IL5RA: variants seen among roughly 807,000 people sequenced by gnomAD.
IL5RA encodes interleukin 5 receptor subunit alpha.
A neutral mutation model predicts 50.0 loss-of-function variants in IL5RA; 49 were observed. The observed-to-expected ratio is 0.98, with a 90% CI of 0.78 to 1.24. The LOEUF (loss-of-function observed/expected upper bound fraction) is 1.24. Ranked by LOEUF, IL5RA falls within the 50% of genes most tolerant of loss-of-function variation. The pLI, the probability that IL5RA is intolerant of heterozygous loss-of-function variation, is 0.00. For missense variants in IL5RA, 600 were observed against 500.4 expected, an observed-to-expected ratio of 1.20 and a Z score of -1.90; for synonymous variants, 202 against 174.0, an observed-to-expected ratio of 1.16 and a Z score of -1.26.
intron 9 of IL5RA, among the ~76,000 whole-genome samples, chr3:3,081,149 T>C (rs1419869569): frequency 2.0e-5 from 3 of 152,226 alleles, no homozygotes; most frequent in South Asian, 2.1e-4. Flanking sequence ...AGATCCTCGA[T>C]GGTTCCAGGA....
At chr3:3,088,836 G>C (rs751446807) in intron 9 of IL5RA, among the ~76,000 whole-genome samples, 2 of 152,178 alleles carry the variant, frequency 1.3e-5, no homozygotes, top group Non-Finnish European at 2.9e-5. Context: ...TGAGTTTTGT[G>C]CCCCTGGGGA....
At chr3:3,073,841 A>G (rs941843112) in intron 11 of IL5RA, 2 of 435,056 alleles carry the variant, frequency 4.6e-6, no homozygotes, top group African/African-American at 2.1e-5. Flanking sequence ...AATAACCAAA[A>G]CAAATTTTTA....
intron 5 of IL5RA, among the ~76,000 whole-genome samples, chr3:3,099,960 G>A (rs1703564900): frequency 1.3e-5 from 2 of 152,112 alleles, no homozygotes; most frequent in South Asian, 2.1e-4. Flanking sequence ...GTGAGCGACC[G>A]CACCCGGCCA....
chr3:3,074,570 A>G (rs1480831870), intron 11 of IL5RA, among the ~76,000 whole-genome samples: 1 of 152,160 alleles, frequency 6.6e-6, no homozygotes, highest in Non-Finnish European at 1.5e-5. Flanking sequence ...GGTGTTTGAG[A>G]CCAGCCTGGA....
intron 9 of IL5RA, among the ~76,000 whole-genome samples, chr3:3,088,394 ACT>A (rs1702960229): frequency 1.3e-5 from 2 of 152,204 alleles, no homozygotes; most frequent in African/African-American, 4.8e-5. Context: ...GCTCGTCACC[ACT>A]CTGTCCCTTG....
chr3:3,077,831 A>G (rs781568675), intron 9 of IL5RA, among the ~76,000 whole-genome samples: 17 of 152,226 alleles, frequency 1.1e-4, no homozygotes, highest in Non-Finnish European at 2.2e-4. Flanking sequence ...TAGTGTTTAA[A>G]GAGGTTATGT....
intron 9 of IL5RA, among the ~76,000 whole-genome samples, chr3:3,088,759 C>T (rs1020745278): frequency 9.2e-5 from 14 of 152,052 alleles, no homozygotes; most frequent in African/African-American, 2.9e-4. Context: ...TTAAAATCTC[C>T]AAAATTGAAT....
chr3:3,077,749 C>T (rs1482473506), intron 9 of IL5RA, among the ~76,000 whole-genome samples: 1 of 152,034 alleles, frequency 6.6e-6, no homozygotes, highest in African/African-American at 2.4e-5. Context: ...GTCTGGGGGA[C>T]AGAATGAGAC....
At position 3,098,176 on chromosome 3, in the gene IL5RA, G is replaced by A. The variant is rs1350426816; in HGVS notation, c.482C>T (p.Thr161Ile). 6.2e-7 allele frequency: 1 copy of A among 1,614,176 alleles called. No homozygotes were observed. The change falls in exon 6 of 12, where the codon ACA becomes ATA. Residue 161 changes from threonine to isoleucine, a missense_variant. Thr to Ile is a moderately conservative substitution (Grantham distance 89). Coordinates refer to ENST00000446632, the MANE Select transcript of IL5RA (RefSeq NM_175726.4). ...ATACTGCGTGTCCTCAGGGGCATCTGTGCCAACAAGCCAGGTGCAGTGAAG... is the reference window on the plus strand; with the variant it reads ...ATACTGCGTGTCCTCAGGGGCATCTATGCCAACAAGCCAGGTGCAGTGAAG... Reference protein sequence around the residue: ...VSLHCTWLVGTDAPEDTQYFL... With the variant: ...VSLHCTWLVGIDAPEDTQYFL...
At position 3,092,857 on chromosome 3, in the gene IL5RA, CACCTGT is replaced by C. The variant is rs1477978685; in HGVS notation, c.856-501_856-496del. Among the ~76,000 whole-genome samples the C allele has an allele frequency of 6.6e-6, 1 of 152,184 alleles. No individual in the cohort carries two copies. The highest frequency in any genetic ancestry group is 1.9e-4 in the East Asian group (1 of 5,188). On this transcript the variant is annotated intron_variant, in intron 8 of 11. Coordinates refer to ENST00000446632, the MANE Select transcript of IL5RA (RefSeq NM_175726.4). This position sits in a 1 kb window ranked among gnomAD's most constrained non-coding sequence, Gnocchi z 4.2. ...CCCTGTACCAGAGATGTGCTCCTGA[CACCTGT>C]ATCTTGAATACCCCCGGAGGTGTTT...
At chr3:3,107,216 C>T (rs1249205538) in intron 2 of IL5RA, among the ~76,000 whole-genome samples, 1 of 150,804 alleles carries the variant, frequency 6.6e-6, no homozygotes, top group Non-Finnish European at 1.5e-5. Context: ...GCACAAGGTA[C>T]TCAGTAGGGG....
chr3:3,106,535 G>T (rs1233243494), intron 2 of IL5RA, among the ~76,000 whole-genome samples: 1 of 151,784 alleles, frequency 6.6e-6, no homozygotes, highest in African/African-American at 2.4e-5. Context: ...TTTCTCTGAG[G>T]ATTTCACACC....
rs532370357 is a variant in IL5RA, at chr3:3,108,070, A to G, written c.-4+480T>C. Reference sequence around the variant, plus strand: ...TCAACCTTAGTGGCAGAAATTGTAAAGCAACTGAGAGGATTCATGCTCTGG... The same window carrying G: ...TCAACCTTAGTGGCAGAAATTGTAAGGCAACTGAGAGGATTCATGCTCTGG... On this transcript the variant is annotated intron_variant, in intron 2 of 11. Coordinates refer to ENST00000446632, the MANE Select transcript of IL5RA (RefSeq NM_175726.4). Among the ~76,000 whole-genome samples the G allele has an allele frequency of 9.8e-5, 15 of 152,310 alleles. No homozygotes were observed. In the East Asian group the frequency reaches 2.5e-3, roughly 25 times the overall value.
At chr3:3,108,422 G>A (rs1704032998) in intron 2 of IL5RA, 128 bp downstream of exon 2, 2 of 152,188 alleles carry the variant, frequency 1.3e-5, no homozygotes, top group Non-Finnish European at 2.9e-5. Flanking sequence ...AGTGGAAATG[G>A]TGTTGCCACC....
intron 4 of IL5RA, 136 bp from the exon 5 acceptor site, chr3:3,101,966 G>C: frequency 1.3e-6 from 1 of 786,316 alleles, no homozygotes; most frequent in Non-Finnish European, 2.0e-6. Flanking sequence ...TAGAAAAAAA[G>C]TCAAAACAAA....
chr3:3,108,516 A>G (rs1472316333), intron 2 of IL5RA, 34 bp downstream of exon 2: 1 of 152,216 alleles, frequency 6.6e-6, no homozygotes, highest in Non-Finnish European at 1.5e-5. Flanking sequence ...ACATGGTGCA[A>G]TTTGTCATCT....
At position 3,066,621 on chromosome 3, in the gene IL5RA, T is replaced by A. The variant is rs1702143194; in HGVS notation, c.*3604A>T. ...CTCACTTCCAGATATCTACTTTTTC[T>A]TTAACAAATTAGCACCTCAGGCTTC... On this transcript the variant is annotated 3_prime_UTR_variant, in exon 12 of 12. Transcript: ENST00000446632. The A allele has an allele frequency of 6.6e-6, 1 of 152,238 alleles. No homozygotes were observed. The allele number at this position is 152,238 out of a possible 1,614,324, so 9.4% of individuals were successfully genotyped here.
At chr3:3,108,993 C>T (rs1704059921) in intron 1 of IL5RA, among the ~76,000 whole-genome samples, 2 of 152,062 alleles carry the variant, frequency 1.3e-5, no homozygotes, top group African/African-American at 2.4e-5. Context: ...AGAAATCATG[C>T]CAGGTAATAA....
chr3:3,095,154 A>ATATC lies in IL5RA; in HGVS notation c.855+141_855+144dup, dbSNP rs1703299199. On this transcript the variant is annotated intron_variant, in intron 8 of 11. Transcript: ENST00000446632. Reference sequence around the variant, plus strand: ...AGATTTGGTTTATATCTATTTGGTTATATCTATAATACCTGGGTAGATTAA... The same window carrying ATATC: ...AGATTTGGTTTATATCTATTTGGTTATATCTATCTATAATACCTGGGTAGATTAA... 20 of 616,794 alleles carry ATATC rather than the reference A, an allele frequency of 3.2e-5. 3 individuals are homozygous for ATATC. The South Asian group carries it at 4.2e-4, about 13-fold the overall frequency. The allele number at this position is 616,794 out of a possible 1,614,324, so 38.2% of individuals were successfully genotyped here.
Sources: allele counts gnomAD v4.1 joint callset (sites outside exome capture counted in the v4.1 genomes callset), GRCh38; gene constraint gnomAD v4.1.1; non-coding constraint Gnocchi (gnomAD v3.1); transcripts MANE v1.5; gene names NCBI Gene and HGNC (gene_info 2026-07-23, HGNC 2026-07-21).